RAB7A: variants seen among roughly 807,000 people sequenced by gnomAD.
RAB7A encodes ras-related protein Rab-7a.
In RAB7A, 2 loss-of-function variants were observed where a neutral mutation model predicts 24.5. The ratio of observed to expected loss-of-function variants is 0.08; its 90% CI spans 0.03 to 0.26. RAB7A has a LOEUF of 0.26. Ranked by LOEUF, RAB7A falls within the 10% of genes least tolerant of loss-of-function variation. The pLI, the probability that RAB7A is intolerant of heterozygous loss-of-function variation, is 1.00. For synonymous variants in RAB7A, 100 were observed against 95.9 expected, an observed-to-expected ratio of 1.04 and a Z score of -0.25; for missense variants, 118 against 255.7, an observed-to-expected ratio of 0.46 and a Z score of 3.67.
chr3:128,771,489 T>C (rs1204685709), intron 1 of RAB7A, among the ~76,000 whole-genome samples: 1 of 152,224 alleles, frequency 6.6e-6, no homozygotes, highest in Non-Finnish European at 1.5e-5. Context: ...TGGTGAGATA[T>C]TATGCTTAAT....
chr3:128,752,981 A>G (rs2070700609), intron 1 of RAB7A, among the ~76,000 whole-genome samples: 1 of 152,142 alleles, frequency 6.6e-6, no homozygotes, highest in African/African-American at 2.4e-5. Flanking sequence ...ACATCATGAT[A>G]CCCTAAGGAA....
chr3:128,807,804 A>G, intron 5 of RAB7A, 133 bp downstream of exon 5: 1 of 1,325,110 alleles, frequency 7.5e-7, no homozygotes, highest in Non-Finnish European at 1.1e-6. Flanking sequence ...CTATGTGTTC[A>G]TCTGGGAAGG....
At chr3:128,732,186 C>T (rs1196402940) in intron 1 of RAB7A, among the ~76,000 whole-genome samples, 2 of 151,090 alleles carry the variant, frequency 1.3e-5, no homozygotes, top group Non-Finnish European at 3.0e-5. Flanking sequence ...GCTACAGGTG[C>T]ACGTCACCAT....
intron 1 of RAB7A, among the ~76,000 whole-genome samples, chr3:128,779,217 C>T (rs1933160381): frequency 6.6e-6 from 1 of 152,034 alleles, no homozygotes; most frequent in South Asian, 2.1e-4. Context: ...AGTTTGAGAC[C>T]AGCCTGGCCA....
At chr3:128,797,573 T>C (rs180864992) in intron 2 of RAB7A, among the ~76,000 whole-genome samples, 1 of 152,248 alleles carries the variant, frequency 6.6e-6, no homozygotes, top group Non-Finnish European at 1.5e-5. Context: ...ACATCTAAGA[T>C]AGCAGGGATA....
chr3:128,806,407 T>C lies in RAB7A; in HGVS notation c.216T>C (p.Ser72=). The C allele has an allele frequency of 6.2e-7, 1 of 1,614,072 alleles. No homozygotes were observed. The highest frequency in any genetic ancestry group is 8.5e-7 in the Non-Finnish European group (1 of 1,179,976). ...CAGCAGGACAGGAACGGTTCCAGTCTCTCGGTGTGGCCTTCTACAGAGGTG... is the reference window on the plus strand; with the variant it reads ...CAGCAGGACAGGAACGGTTCCAGTCCCTCGGTGTGGCCTTCTACAGAGGTG... ...WDTAGQERFQ[S]LGVAFYRGAD... is the part of the protein sequence containing the mutation. Residue 72 remains serine, a synonymous_variant, in exon 4 of 6, where the codon TCT becomes TCC. Transcript: ENST00000265062.
At chr3:128,803,203 T>G (rs1933735432) in intron 3 of RAB7A, among the ~76,000 whole-genome samples, 2 of 152,054 alleles carry the variant, frequency 1.3e-5, no homozygotes, top group African/African-American at 4.8e-5. Context: ...AAATACAAAG[T>G]GAAAACTTAA....
At chr3:128,811,032 C>T (rs947193857) in intron 5 of RAB7A, among the ~76,000 whole-genome samples, 2 of 150,736 alleles carry the variant, frequency 1.3e-5, no homozygotes, top group African/African-American at 4.9e-5. Context: ...CCAGCCTGGG[C>T]AACAAGAGCG....
intron 1 of RAB7A, among the ~76,000 whole-genome samples, chr3:128,789,830 G>A (rs2107608552): frequency 7.4e-6 from 1 of 135,864 alleles, no homozygotes; most frequent in Admixed American, 7.9e-5. Flanking sequence ...CACTCTTGTT[G>A]CCCATGCTAG....
At position 128,813,377 on chromosome 3, in the gene RAB7A, C is replaced by T; in HGVS notation, c.579C>T (p.Asp193=). Reference sequence around the variant, plus strand: ...AATTTCCTGAACCTATCAAACTGGACAAGAATGACCGGGCCAAGGCCTCGG... The same window carrying T: ...AATTTCCTGAACCTATCAAACTGGATAAGAATGACCGGGCCAAGGCCTCGG... ...YNEFPEPIKL[D]KNDRAKASAE... is the part of the protein sequence containing the mutation. Residue 193 remains aspartate, a synonymous_variant, in exon 6 of 6, where the codon GAC becomes GAT. Transcript: ENST00000265062. The T allele has an allele frequency of 1.2e-6, 2 of 1,614,202 alleles. No homozygotes were observed. The highest frequency in any genetic ancestry group is 1.7e-6 in the Non-Finnish European group (2 of 1,180,034).
intron 2 of RAB7A, 134 bp downstream of exon 2, chr3:128,795,554 C>T: frequency 1.2e-6 from 1 of 819,000 alleles, no homozygotes; most frequent in South Asian, 1.4e-5. Flanking sequence ...CCCTCCACGG[C>T]AGAAATTTAG....
intron 1 of RAB7A, among the ~76,000 whole-genome samples, chr3:128,776,326 G>A (rs976786160): frequency 2.6e-5 from 4 of 151,846 alleles, no homozygotes; most frequent in Non-Finnish European, 5.9e-5. Flanking sequence ...CTGGAGTACA[G>A]TGGTGCGAAC....
At chr3:128,744,044 C>A (rs1576272366) in intron 1 of RAB7A, among the ~76,000 whole-genome samples, 1 of 151,858 alleles carries the variant, frequency 6.6e-6, no homozygotes, top group Non-Finnish European at 1.5e-5. Context: ...CTGCCTTGAC[C>A]TCCCAAAGTG....
At chr3:128,739,308 A>G (rs1417211209) in intron 1 of RAB7A, among the ~76,000 whole-genome samples, 1 of 152,112 alleles carries the variant, frequency 6.6e-6, no homozygotes, top group African/African-American at 2.4e-5. Context: ...TCAGGAGTTC[A>G]AGACCACCAG....
intron 1 of RAB7A, among the ~76,000 whole-genome samples, chr3:128,784,191 C>T (rs1376437842): frequency 2.0e-5 from 3 of 152,184 alleles, no homozygotes. Context: ...TGAGAATCAC[C>T]TCAAACTTAG....
chr3:128,799,821 C>A (rs556343615), intron 3 of RAB7A, among the ~76,000 whole-genome samples: 1 of 152,288 alleles, frequency 6.6e-6, no homozygotes, highest in African/African-American at 2.4e-5. Flanking sequence ...TAACATAAAT[C>A]CCTGTCATTC....
chr3:128,809,814 C>T (rs536561745), intron 5 of RAB7A, among the ~76,000 whole-genome samples: 1 of 150,890 alleles, frequency 6.6e-6, no homozygotes, highest in South Asian at 2.1e-4. Flanking sequence ...GCTAAATGCT[C>T]GTATGTGCTG....
intron 1 of RAB7A, among the ~76,000 whole-genome samples, chr3:128,770,861 G>A (rs1032023997): frequency 6.6e-6 from 1 of 151,518 alleles, no homozygotes; most frequent in Non-Finnish European, 1.5e-5. Context: ...AAAGCAAATC[G>A]TTATACTACT....
intron 1 of RAB7A, among the ~76,000 whole-genome samples, chr3:128,790,271 C>T (rs1457908329): frequency 6.6e-6 from 1 of 152,176 alleles, no homozygotes; most frequent in African/African-American, 2.4e-5. Context: ...GCTTAGCCAG[C>T]CCTGAGTGAA....
Sources: allele counts gnomAD v4.1 joint callset (sites outside exome capture counted in the v4.1 genomes callset), GRCh38; gene constraint gnomAD v4.1.1; transcripts MANE v1.5; gene names NCBI Gene and HGNC (gene_info 2026-07-23, HGNC 2026-07-21).